Variants in L3MBTL4 observed in about 807,000 individuals in gnomAD.
L3MBTL4 encodes the protein lethal(3)malignant brain tumor-like protein 4.
L3MBTL4 carries 70 observed loss-of-function variants against 84.5 expected under a neutral mutation model. The observed-to-expected ratio is 0.83, with a 90% confidence interval of 0.68 to 1.01. The LOEUF is 1.01. Among genes scored for constraint, L3MBTL4 ranks in the 50% least tolerant of loss-of-function variants. L3MBTL4 has a pLI of 0.00. For missense variants in L3MBTL4, 715 were observed against 754.8 expected (o/e 0.95, Z 0.62); for synonymous variants, 274 against 259.8 (o/e 1.05, Z -0.52).
intron 1 of L3MBTL4, among the ~76,000 whole-genome samples, chr18:6,368,457 G>C (rs756108980): frequency 6.6e-6 from 1 of 152,208 alleles, no homozygotes; most frequent in Non-Finnish European, 1.5e-5. Context: ...ACAGCAGGTA[G>C]ACAGCTGCTG....
chr18:6,074,056 T>C (rs1258372309), intron 16 of L3MBTL4, among the ~76,000 whole-genome samples: 1 of 144,094 alleles, frequency 6.9e-6, no homozygotes, highest in Non-Finnish European at 1.5e-5. Flanking sequence ...ATGTGAAGTG[T>C]TTTTTTGTTT....
chr18:6,091,419 G>C (rs1188209466), intron 15 of L3MBTL4, among the ~76,000 whole-genome samples: 1 of 152,126 alleles, frequency 6.6e-6, no homozygotes, highest in Admixed American at 6.5e-5. Flanking sequence ...GCAAAAGTAG[G>C]CTTGAGGATT....
chr18:6,363,439 A>C (rs2053800455), intron 1 of L3MBTL4, among the ~76,000 whole-genome samples: 1 of 152,170 alleles, frequency 6.6e-6, no homozygotes, highest in Non-Finnish European at 1.5e-5. Context: ...AGTCCACTCA[A>C]GTACGTGTAT....
At chr18:6,130,839 A>AAATTGTGTGAC (rs57098356) in intron 14 of L3MBTL4, among the ~76,000 whole-genome samples, 2 of 152,118 alleles carry the variant, frequency 1.3e-5, no homozygotes, top group African/African-American at 4.8e-5. Context: ...AATAAAATGT[A>AAATTGTGTGAC]AATTGTGTGC....
intron 13 of L3MBTL4, among the ~76,000 whole-genome samples, chr18:6,141,461 T>C (rs1016365260): frequency 1.3e-5 from 2 of 152,168 alleles, no homozygotes; most frequent in Admixed American, 6.5e-5. Flanking sequence ...TAGTTATTTC[T>C]TAAAGTCATT....
At chr18:5,993,229 C>G (rs2053787058) in intron 16 of L3MBTL4, among the ~76,000 whole-genome samples, 1 of 152,162 alleles carries the variant, frequency 6.6e-6, no homozygotes, top group Non-Finnish European at 1.5e-5. Context: ...CCACATAAAC[C>G]TCTCCATAGA....
At chr18:6,263,780 C>T (rs2048511565) in intron 5 of L3MBTL4, among the ~76,000 whole-genome samples, 167 bp downstream of exon 5, 1 of 152,206 alleles carries the variant, frequency 6.6e-6, no homozygotes, top group African/African-American at 2.4e-5. Flanking sequence ...CGGGCTCCAG[C>T]CCACTCTGAA....
intron 4 of L3MBTL4, among the ~76,000 whole-genome samples, chr18:6,299,981 A>G (rs16949810): frequency 2.9e-4 from 44 of 152,258 alleles, no homozygotes; most frequent in African/African-American, 1.0e-3. Flanking sequence ...CTATTTTTCA[A>G]TACAATTTTC....
chr18:6,188,541 G>A (rs1240089074), intron 12 of L3MBTL4, among the ~76,000 whole-genome samples: 1 of 152,186 alleles, frequency 6.6e-6, no homozygotes. Context: ...TGATGGAAAA[G>A]GAGGGCCCTT....
At chr18:6,111,987 C>T (rs970672918) in intron 14 of L3MBTL4, among the ~76,000 whole-genome samples, 2 of 152,174 alleles carry the variant, frequency 1.3e-5, no homozygotes, top group Non-Finnish European at 2.9e-5. Context: ...TAACCCCACC[C>T]AGTCCCTGGT....
Position 6,273,492 on chromosome 18 carries a change from T to C in L3MBTL4, c.128-9454A>G, listed in dbSNP as rs61211230. 9.2e-3 allele frequency among the ~76,000 whole-genome samples: 836 copies of C among 90,958 alleles called. 37 individuals carry two copies. The highest frequency in any genetic ancestry group is 0.025 in the Middle Eastern group (4 of 158). The allele number at this position is 90,958 out of a possible 152,430, so 59.7% of individuals were successfully genotyped here. ...TTCAACTAGGACTGAATATAAGGAATACAGAACAGTTCTGACAGCCCCACT... is the reference window on the plus strand; with the variant it reads ...TTCAACTAGGACTGAATATAAGGAACACAGAACAGTTCTGACAGCCCCACT... On this transcript the variant is annotated intron_variant, in intron 4 of 18. Transcript: ENST00000317931.
chr18:6,184,328 T>G (rs2145401460), intron 12 of L3MBTL4, among the ~76,000 whole-genome samples: 1 of 152,346 alleles, frequency 6.6e-6, no homozygotes, highest in African/African-American at 2.4e-5. Context: ...CTATTTTTTT[T>G]GTTTCCAATA....
At chr18:6,358,999 C>T (rs935751673) in intron 1 of L3MBTL4, among the ~76,000 whole-genome samples, 3 of 152,126 alleles carry the variant, frequency 2.0e-5, no homozygotes, top group South Asian at 4.1e-4. Flanking sequence ...CTTTTCATAT[C>T]GTATTTACTG....
At chr18:6,205,655 T>A (rs535923310) in intron 12 of L3MBTL4, among the ~76,000 whole-genome samples, 1 of 152,236 alleles carries the variant, frequency 6.6e-6, no homozygotes, top group African/African-American at 2.4e-5. Flanking sequence ...GAGTCCATCA[T>A]CCTTTCTTAT....
intron 1 of L3MBTL4, among the ~76,000 whole-genome samples, chr18:6,393,094 A>G (rs2055126154): frequency 6.6e-6 from 1 of 152,124 alleles, no homozygotes; most frequent in Non-Finnish European, 1.5e-5. Context: ...AAAAATTTTA[A>G]CTATAAAGAT....
intron 16 of L3MBTL4, among the ~76,000 whole-genome samples, chr18:6,056,255 C>T (rs1441225958): frequency 6.6e-6 from 1 of 152,138 alleles, no homozygotes; most frequent in Non-Finnish European, 1.5e-5. Context: ...ACTGAAATGG[C>T]TTTTGCCTTC....
rs184400002 is a variant in L3MBTL4 at position 6,314,941 on chromosome 18, C to T, written c.-90-2885G>A. Among the ~76,000 whole-genome samples, 4 of 152,304 alleles carry T rather than the reference C, an allele frequency of 2.6e-5. No homozygotes were observed. The East Asian group carries it at 5.8e-4, about 22-fold the overall frequency. ...CACATGTCCTGGATAACCCAAGGTA[C>T]GTCTGTCTTCTGCCACTCATCCTGG... On this transcript the variant is annotated intron_variant, in intron 1 of 18. Coordinates refer to ENST00000317931, the MANE Select transcript of L3MBTL4 (RefSeq NM_001330559.2).
At position 6,293,728 on chromosome 18, in the gene L3MBTL4, C is replaced by T. The variant is rs551553380; in HGVS notation, c.127+8175G>A. ...GACATCTACTGTGATGCAGTGGCGA[C>T]GGAAGCATCCCTTCTGTGATATTTC... On this transcript the variant is annotated intron_variant, in intron 4 of 18. Transcript: ENST00000317931. 9.8e-5 allele frequency among the ~76,000 whole-genome samples: 15 copies of T among 152,292 alleles called. No homozygotes were observed. In the South Asian group the frequency reaches 1.7e-3, roughly 17 times the overall value.
chr18:6,128,167 C>G (rs1467697061), intron 14 of L3MBTL4, among the ~76,000 whole-genome samples: 1 of 150,664 alleles, frequency 6.6e-6, no homozygotes, highest in Non-Finnish European at 1.5e-5. Context: ...AGAATGTGTT[C>G]TCAGAAACTG....
Sources: allele counts gnomAD v4.1 joint callset (sites outside exome capture counted in the v4.1 genomes callset), GRCh38; gene constraint gnomAD v4.1.1; transcripts MANE v1.5; gene names NCBI Gene and HGNC (gene_info 2026-07-23, HGNC 2026-07-21).